Variants in TANC2 observed in about 807,000 individuals in gnomAD.
TANC2 encodes protein TANC2.
TANC2 carries 26 observed loss-of-function variants against 210.5 expected under a neutral mutation model. The observed-to-expected ratio is 0.12, with a 90% CI of 0.09 to 0.17. The LOEUF is 0.17. TANC2 is among the 10% of genes least tolerant of loss of function. TANC2 has a pLI of 1.00. For missense variants in TANC2, 2,129 were observed against 2,608.9 expected (o/e 0.82, Z 4.01); for synonymous variants, 931 against 967.1 (o/e 0.96, Z 0.69).
intron 14 of TANC2, among the ~76,000 whole-genome samples, chr17:63,371,717 A>AATGCCATTG (rs1409137035): frequency 1.3e-5 from 2 of 152,220 alleles, no homozygotes; most frequent in African/African-American, 4.8e-5. Context: ...AAACAAACAT[A>AATGCCATTG]ATGCCATTGT....
At chr17:63,094,154 T>G (rs1025825695) in intron 3 of TANC2, among the ~76,000 whole-genome samples, 2 of 152,178 alleles carry the variant, frequency 1.3e-5, no homozygotes, top group Admixed American at 6.5e-5. Flanking sequence ...TTTTTTCTTA[T>G]AGCTTTTTTG....
intron 5 of TANC2, among the ~76,000 whole-genome samples, chr17:63,168,653 C>G (rs2040296902): frequency 1.3e-5 from 2 of 152,174 alleles, no homozygotes; most frequent in South Asian, 4.2e-4. Flanking sequence ...TTTATCATGT[C>G]CTATAACCAT....
chr17:63,182,972 C>G (rs2040841468), intron 5 of TANC2, among the ~76,000 whole-genome samples: 1 of 152,184 alleles, frequency 6.6e-6, no homozygotes, highest in African/African-American at 2.4e-5. Context: ...ATTCGACTTT[C>G]TTTTTCATTG....
At chr17:63,145,205 G>A (rs2039425781) in intron 4 of TANC2, among the ~76,000 whole-genome samples, 1 of 152,172 alleles carries the variant, frequency 6.6e-6, no homozygotes, top group South Asian at 2.1e-4. Context: ...ATTAGATAGG[G>A]TAGGAGGATG....
intron 14 of TANC2, among the ~76,000 whole-genome samples, chr17:63,356,534 A>G (rs2046786817): frequency 1.3e-5 from 2 of 152,212 alleles, no homozygotes; most frequent in Non-Finnish European, 2.9e-5. Context: ...TACTGTGGGC[A>G]TGCTGCTCAG....
chr17:63,260,597 C>A (rs760136611), intron 8 of TANC2, among the ~76,000 whole-genome samples: 1 of 151,858 alleles, frequency 6.6e-6, no homozygotes, highest in Non-Finnish European at 1.5e-5. Flanking sequence ...CCAGCCTGGG[C>A]AACACAGCGA....
chr17:63,064,931 G>A (rs747124934), intron 2 of TANC2, among the ~76,000 whole-genome samples: 35 of 150,686 alleles, frequency 2.3e-4, no homozygotes, highest in Admixed American at 6.6e-5. Flanking sequence ...AAAGAATTAT[G>A]CAGTGCACTA....
intron 8 of TANC2, among the ~76,000 whole-genome samples, chr17:63,263,148 A>G (rs1165770543): frequency 1.3e-5 from 2 of 152,172 alleles, no homozygotes; most frequent in Non-Finnish European, 2.9e-5. Context: ...ATCGGCTCTT[A>G]TCATAGTTGA....
chr17:63,239,201 C>T (rs961018297), intron 8 of TANC2, among the ~76,000 whole-genome samples: 1 of 151,218 alleles, frequency 6.6e-6, no homozygotes, highest in Non-Finnish European at 1.5e-5. Flanking sequence ...GGTTGAAATA[C>T]GGAGTCATCA....
At chr17:63,018,027 A>G (rs921925382) in intron 2 of TANC2, among the ~76,000 whole-genome samples, 13 of 152,070 alleles carry the variant, frequency 8.5e-5, no homozygotes, top group Admixed American at 3.9e-4. Flanking sequence ...AGTCCTAGTG[A>G]GGCAGGAGAA....
chr17:63,310,220 G>T (rs1016102327), intron 9 of TANC2, among the ~76,000 whole-genome samples: 2 of 152,176 alleles, frequency 1.3e-5, no homozygotes, highest in African/African-American at 4.8e-5. Context: ...GCCAAGGCAG[G>T]TGGATCACTT....
chr17:62,996,850 G>A (rs894110230), intron 1 of TANC2, among the ~76,000 whole-genome samples: 2 of 149,334 alleles, frequency 1.3e-5, no homozygotes, highest in African/African-American at 5.0e-5. Context: ...TTCCGCTCTT[G>A]TTGCCCAGGC....
At chr17:63,370,106 G>A (rs1215307953) in intron 14 of TANC2, among the ~76,000 whole-genome samples, 1 of 151,808 alleles carries the variant, frequency 6.6e-6, no homozygotes, top group Non-Finnish European at 1.5e-5. Flanking sequence ...TAATTTATGA[G>A]GATATTATGT....
intron 1 of TANC2, among the ~76,000 whole-genome samples, chr17:62,989,767 CTTTTTT>C (rs369502208): frequency 1.8e-5 from 2 of 109,808 alleles, no homozygotes; most frequent in African/African-American, 8.0e-5. Flanking sequence ...AAAACACATG[CTTTTTT>C]TTTTTTTTTT....
chr17:63,208,306 G>T (rs2041785226), intron 7 of TANC2, among the ~76,000 whole-genome samples: 2 of 152,100 alleles, frequency 1.3e-5, no homozygotes, highest in African/African-American at 2.4e-5. Flanking sequence ...GCTGCCAAAA[G>T]CATAAATGTC....
intron 7 of TANC2, among the ~76,000 whole-genome samples, chr17:63,235,767 G>A (rs1598667923): frequency 7.6e-6 from 1 of 132,226 alleles, no homozygotes; most frequent in East Asian, 2.0e-4. Context: ...CAAAATATAA[G>A]AAGAGAAAAT....
chr17:63,110,852 T>G (rs534970224), intron 4 of TANC2, among the ~76,000 whole-genome samples: 1 of 152,334 alleles, frequency 6.6e-6, no homozygotes, highest in East Asian at 1.9e-4. Context: ...GAGCAGGATA[T>G]TGTTAAACAT....
intron 19 of TANC2, 104 bp downstream of exon 19, chr17:63,399,018 C>A: frequency 1.3e-6 from 1 of 795,700 alleles, no homozygotes; most frequent in Non-Finnish European, 2.0e-6. Flanking sequence ...AGTCTTCTGT[C>A]TCAGGCTTTT....
At chr17:63,379,876 A>T (rs776478756) in intron 15 of TANC2, 50 bp downstream of exon 15, 2 of 1,458,530 alleles carry the variant, frequency 1.4e-6, no homozygotes, top group Non-Finnish European at 1.9e-6. Flanking sequence ...GCAGACTTTC[A>T]TATGCTTTAT....
Sources: allele counts gnomAD v4.1 joint callset (sites outside exome capture counted in the v4.1 genomes callset), GRCh38; gene constraint gnomAD v4.1.1; transcripts MANE v1.5; gene names NCBI Gene and HGNC (gene_info 2026-07-23, HGNC 2026-07-21).